DPP10: variants seen among roughly 807,000 people sequenced by gnomAD.
DPP10 encodes dipeptidyl peptidase like 10.
In DPP10, 33 loss-of-function variants were observed where a neutral mutation model predicts 120.9. The ratio of observed to expected loss-of-function variants is 0.27; its 90% confidence interval spans 0.21 to 0.37. DPP10 has a LOEUF of 0.37. Among genes scored for constraint, DPP10 ranks in the 10% least tolerant of loss-of-function variants. The pLI is 1.00. For missense variants in DPP10, 816 were observed against 942.8 expected (o/e 0.87, Z 1.76); for synonymous variants, 337 against 326.1 (o/e 1.03, Z -0.36).
At chr2:114,517,127 A>G (rs1014711444) in intron 1 of DPP10, among the ~76,000 whole-genome samples, 7 of 152,148 alleles carry the variant, frequency 4.6e-5, no homozygotes, top group African/African-American at 1.7e-4. Flanking sequence ...GCAGATTGAT[A>G]TCACAGGTAA....
intron 3 of DPP10, chr2:115,468,338 A>G (rs1485904536): frequency 1.9e-6 from 1 of 514,072 alleles, no homozygotes; most frequent in East Asian, 5.5e-5. Flanking sequence ...CCACTGGAGC[A>G]ACTCCAATTG....
chr2:114,500,744 A>T (rs1275862850), intron 1 of DPP10, among the ~76,000 whole-genome samples: 1 of 152,246 alleles, frequency 6.6e-6, no homozygotes, highest in Non-Finnish European at 1.5e-5. Context: ...GTTTTGATGT[A>T]CTAGGAAACA....
intron 2 of DPP10, among the ~76,000 whole-genome samples, chr2:115,339,605 A>G (rs1423175719): frequency 6.6e-6 from 1 of 152,082 alleles, no homozygotes; most frequent in Non-Finnish European, 1.5e-5. Context: ...GTCTCTCAAT[A>G]CCCTGGAATA....
intron 1 of DPP10, among the ~76,000 whole-genome samples, chr2:114,950,537 C>A (rs946609373): frequency 4.0e-5 from 6 of 151,584 alleles, no homozygotes; most frequent in African/African-American, 1.5e-4. Context: ...GATCTCCTGA[C>A]CTGTGATCTG....
chr2:115,794,497 ATCAATG>A (rs1684331074), intron 19 of DPP10, among the ~76,000 whole-genome samples: 1 of 152,176 alleles, frequency 6.6e-6, no homozygotes, highest in African/African-American at 2.4e-5. Flanking sequence ...TGAATCAAAG[ATCAATG>A]TCAATGTCAC....
At chr2:115,184,961 C>T (rs1042123844) in intron 1 of DPP10, among the ~76,000 whole-genome samples, 6 of 152,092 alleles carry the variant, frequency 3.9e-5, no homozygotes, top group Non-Finnish European at 7.4e-5. Flanking sequence ...ATCATCATTG[C>T]TTGAGGAAAA....
Position 114,519,731 on chromosome 2 carries a change from T to C in DPP10, c.60+76893T>C, listed in dbSNP as rs1449319001. Among the ~76,000 whole-genome samples the C allele has an allele frequency of 3.3e-5, 5 of 152,218 alleles. No homozygotes were observed. In the East Asian group the frequency reaches 9.6e-4, roughly 29 times the overall value. The stretch of plus-strand genomic sequence containing the variant: ...CTCAGATTCATAGCATGGAGCATCA[T>C]CCACTTTTAATGTTTTCCATCCACA... On this transcript the variant is annotated intron_variant, in intron 1 of 25. Coordinates refer to ENST00000410059, the MANE Select transcript of DPP10 (RefSeq NM_020868.6).
At chr2:114,883,089 C>T (rs1187467563) in intron 1 of DPP10, among the ~76,000 whole-genome samples, 5 of 152,204 alleles carry the variant, frequency 3.3e-5, no homozygotes, top group African/African-American at 1.2e-4. Flanking sequence ...CAGAATCACA[C>T]AATTGCTTAT....
At chr2:115,634,013 T>A (rs892032581) in intron 5 of DPP10, among the ~76,000 whole-genome samples, 3 of 152,154 alleles carry the variant, frequency 2.0e-5, no homozygotes, top group Non-Finnish European at 4.4e-5. Flanking sequence ...AATCTTCTCT[T>A]CCTGTTTTAT....
intron 1 of DPP10, among the ~76,000 whole-genome samples, chr2:114,579,527 A>G (rs1195758323): frequency 1.3e-5 from 2 of 152,202 alleles, no homozygotes; most frequent in African/African-American, 2.4e-5. Flanking sequence ...TTCAGCCCCT[A>G]AGAGAACCTT....
intron 7 of DPP10, among the ~76,000 whole-genome samples, chr2:115,690,277 C>T (rs1333997913): frequency 1.3e-5 from 2 of 152,074 alleles, no homozygotes; most frequent in African/African-American, 4.8e-5. Context: ...TTTCTTAAAG[C>T]ATTGTTCAGG....
intron 1 of DPP10, among the ~76,000 whole-genome samples, chr2:114,590,100 A>G (rs1444372218): frequency 6.6e-6 from 1 of 152,168 alleles, no homozygotes; most frequent in Non-Finnish European, 1.5e-5. Flanking sequence ...ATATATGTGC[A>G]TATGTTTATT....
chr2:114,973,390 G>A (rs570816590), intron 1 of DPP10, among the ~76,000 whole-genome samples: 3 of 151,672 alleles, frequency 2.0e-5, no homozygotes, highest in African/African-American at 7.3e-5. Context: ...GGCCGGGCAC[G>A]GTGGTTCACG....
intron 1 of DPP10, among the ~76,000 whole-genome samples, chr2:114,944,651 A>G (rs1172759238): frequency 1.3e-5 from 2 of 152,214 alleles, no homozygotes; most frequent in African/African-American, 2.4e-5. Context: ...TATAGGAACC[A>G]TATAACGTAA....
At chr2:115,762,676 G>T (rs1680260193) in intron 12 of DPP10, 66 bp downstream of exon 12, 1 of 1,566,466 alleles carries the variant, frequency 6.4e-7, no homozygotes, top group Non-Finnish European at 8.7e-7. Flanking sequence ...TTTTTTATGT[G>T]ATAACTTTCT....
At chr2:115,283,152 G>A (rs1025489651) in intron 1 of DPP10, among the ~76,000 whole-genome samples, 4 of 151,828 alleles carry the variant, frequency 2.6e-5, no homozygotes, top group Admixed American at 2.0e-4. Flanking sequence ...TTTCCCAAGT[G>A]CAAAGACAGC....
chr2:115,702,289 G>T (rs1575561931), intron 7 of DPP10, among the ~76,000 whole-genome samples: 2 of 151,866 alleles, frequency 1.3e-5, no homozygotes, highest in Admixed American at 6.6e-5. Context: ...AAAACAGTCT[G>T]GTATCTCCTC....
At chr2:115,697,292 G>A (rs1018695531) in intron 7 of DPP10, among the ~76,000 whole-genome samples, 1 of 151,770 alleles carries the variant, frequency 6.6e-6, no homozygotes, top group Non-Finnish European at 1.5e-5. Context: ...AAGAAGATAA[G>A]TTTTAAAATA....
intron 5 of DPP10, among the ~76,000 whole-genome samples, chr2:115,567,638 C>T (rs1350310311): frequency 6.6e-6 from 1 of 151,872 alleles, no homozygotes; most frequent in East Asian, 1.9e-4. Context: ...CAAGTTTTAG[C>T]GATTACAAAC....
Sources: allele counts gnomAD v4.1 joint callset (sites outside exome capture counted in the v4.1 genomes callset), GRCh38; gene constraint gnomAD v4.1.1; transcripts MANE v1.5; gene names NCBI Gene and HGNC (gene_info 2026-07-23, HGNC 2026-07-21).